The following BRF1 variants were observed in gnomAD, a reference collection of about 807,000 sequenced individuals.
The protein encoded by BRF1 is transcription factor IIIB 90 kDa subunit.
A neutral mutation model predicts 81.7 loss-of-function variants in BRF1; 59 were observed. The observed-to-expected ratio is 0.72, with a 90% CI of 0.59 to 0.90. The LOEUF (loss-of-function observed/expected upper bound fraction) is 0.90, where lower values mean the gene tolerates loss of function less well. Ranked by LOEUF, BRF1 falls within the 40% of genes least tolerant of loss-of-function variation. The pLI, the probability that BRF1 is intolerant of heterozygous loss-of-function variation, is 0.00. For synonymous variants in BRF1, 491 were observed against 395.6 expected (o/e 1.24, Z -2.86); for missense variants, 1,050 against 936.3 (o/e 1.12, Z -1.58).
At chr14:105,314,090 C>G (rs934256964) in intron 1 of BRF1, among the ~76,000 whole-genome samples, 1 of 152,258 alleles carries the variant, frequency 6.6e-6, no homozygotes, top group African/African-American at 2.4e-5. Context: ...GCTCGGCAGC[C>G]TGGCGCCCCG....
intron 5 of BRF1, among the ~76,000 whole-genome samples, chr14:105,243,283 T>C (rs1309756692): frequency 1.1e-5 from 1 of 95,160 alleles, no homozygotes; most frequent in African/African-American, 3.6e-5. Flanking sequence ...TTTACTAAAA[T>C]ACAAAAAAAA....
chr14:105,286,411 T>G (rs765252710), intron 1 of BRF1, 35 bp from the exon 2 acceptor site: 1 of 1,591,318 alleles, frequency 6.3e-7, no homozygotes, highest in South Asian at 1.1e-5. Flanking sequence ...CAGCCAAAAC[T>G]TGGAGATCTG....
rs148096278 is a variant in BRF1, at chr14:105,278,872, G to A, written c.266-5978C>T. Among the ~76,000 whole-genome samples, 500 of 152,170 alleles carry A rather than the reference G, an allele frequency of 3.3e-3. 9 individuals carry two copies. The highest frequency in any genetic ancestry group is 0.011 in the African/African-American group (472 of 41,504). ...ATCCTGACCAACATGGTGAAACCCC[G>A]TCTCTACTAAAAAGTACAAATATTA... is the stretch of plus-strand genomic sequence containing the variant. On this transcript the variant is annotated intron_variant, in intron 2 of 17. Transcript: ENST00000547530.
Position 105,221,652 on chromosome 14 carries a change from G to A in BRF1, c.1311C>T (p.Asp437=). Reference sequence around the variant, plus strand: ...CAGGGCCCCATCAGAACTCACTGGGGTCGCTGCTCTGAGAGGAGATGCATT... The same window carrying A: ...CAGGGCCCCATCAGAACTCACTGGGATCGCTGCTCTGAGAGGAGATGCATT... ...IRECISSQSS[D]PKDASGDGEL... is the part of the protein sequence containing the mutation. Residue 437 remains aspartate (D), a synonymous_variant, in exon 11 of 18, where the codon GAC becomes GAT. Transcript: ENST00000547530. 6.2e-7 allele frequency: 1 copy of A among 1,610,332 alleles called. No homozygotes were observed.
chr14:105,266,317 G>A (rs2056415607), intron 3 of BRF1, among the ~76,000 whole-genome samples: 1 of 152,162 alleles, frequency 6.6e-6, no homozygotes. Context: ...GGATGCTGAG[G>A]CGAGAGAGTC....
intron 10 of BRF1, 108 bp downstream of exon 10, chr14:105,225,961 G>T: frequency 1.7e-6 from 2 of 1,153,750 alleles, no homozygotes; most frequent in Non-Finnish European, 2.4e-6. Context: ...CTTACATTCT[G>T]TAGATAATCC....
intron 2 of BRF1, among the ~76,000 whole-genome samples, chr14:105,280,681 G>A (rs1444568717): frequency 2.6e-5 from 4 of 152,092 alleles, no homozygotes; most frequent in Non-Finnish European, 5.9e-5. Flanking sequence ...CCTGAGCCCG[G>A]CTGTGCGGTG....
intron 1 of BRF1, among the ~76,000 whole-genome samples, chr14:105,308,517 C>G (rs942742196): frequency 7.2e-6 from 1 of 139,794 alleles, no homozygotes; most frequent in African/African-American, 2.8e-5. Flanking sequence ...GAGTCTTGCT[C>G]TGTCGTCCGG....
chr14:105,211,445 G>A (rs1398864478), intron 16 of BRF1, 152 bp from the exon 17 acceptor site: 3 of 651,430 alleles, frequency 4.6e-6, no homozygotes, highest in African/African-American at 3.7e-5. Context: ...AGGCCCACTG[G>A]CCCCTTCTGG....
intron 10 of BRF1, among the ~76,000 whole-genome samples, chr14:105,224,325 T>G (rs115303812): frequency 6.6e-6 from 1 of 152,168 alleles, no homozygotes; most frequent in African/African-American, 2.4e-5. Context: ...GCTGAGATTA[T>G]GCAACTGCAC....
At chr14:105,288,637 CTTT>C (rs747428235) in intron 1 of BRF1, among the ~76,000 whole-genome samples, 1 of 137,016 alleles carries the variant, frequency 7.3e-6, no homozygotes, top group Non-Finnish European at 1.6e-5. Flanking sequence ...TTCTTTCTTT[CTTT>C]TTTTTTTTTT....
chr14:105,212,008 C>T (rs1473362252), intron 16 of BRF1, 105 bp downstream of exon 16: 2 of 1,507,880 alleles, frequency 1.3e-6, no homozygotes, highest in Non-Finnish European at 1.8e-6. Context: ...GCAGGCGCCT[C>T]TGTCAGGCCT....
In BRF1 at chr14:105,212,298, G is replaced by A. The variant is rs587596351; in HGVS notation, c.1773-134C>T. 3.7e-5 allele frequency: 45 copies of A among 1,214,064 alleles called. 1 individual carries two copies. The South Asian group carries it at 4.0e-4, about 11-fold the overall frequency. The allele number at this position is 1,214,064 out of a possible 1,614,324, so 75.2% of individuals were successfully genotyped here. On this transcript the variant is annotated intron_variant, in intron 15 of 17. Coordinates refer to ENST00000547530, the MANE Select transcript of BRF1 (RefSeq NM_001519.4). ...TGTCCCTTTGGAAGCCTGGTTCTGC[G>A]TCCAGGTTCTGTGTGCTCCATCAGT...
In BRF1 at chr14:105,261,809, A is replaced by G. The variant is rs867368595; in HGVS notation, c.440-5260T>C. 1.8e-3 allele frequency among the ~76,000 whole-genome samples: 271 copies of G among 152,184 alleles called. 1 individual carries two copies. The highest frequency in any genetic ancestry group is 6.2e-3 in the African/African-American group (256 of 41,520). On this transcript the variant is annotated intron_variant, in intron 3 of 17. Transcript: ENST00000547530. ...CATTCCCGGCCCCATGGGACTGGAGAGGGGGACTGCGGCGCCCACACGGCG... is the reference window on the plus strand; with the variant it reads ...CATTCCCGGCCCCATGGGACTGGAGGGGGGGACTGCGGCGCCCACACGGCG...
At chr14:105,260,567 G>A (rs951748960) in intron 3 of BRF1, among the ~76,000 whole-genome samples, 4 of 151,902 alleles carry the variant, frequency 2.6e-5, no homozygotes, top group African/African-American at 9.7e-5. Context: ...GTAGAGATGG[G>A]GTTTCACCAT....
intron 5 of BRF1, chr14:105,249,735 C>T: frequency 6.2e-7 from 1 of 1,613,956 alleles, no homozygotes; most frequent in Non-Finnish European, 8.5e-7. Context: ...TTGGCAAAAG[C>T]CTGTGTCAAC....
At chr14:105,250,618 C>T (rs1254267151) in intron 5 of BRF1, 2 of 1,613,882 alleles carry the variant, frequency 1.2e-6, no homozygotes, top group South Asian at 1.1e-5. Context: ...CGGACAGCAC[C>T]AACGGGACTG....
chr14:105,272,696 G>A, intron 3 of BRF1, 25 bp downstream of exon 3: 3 of 1,575,322 alleles, frequency 1.9e-6, no homozygotes, highest in Non-Finnish European at 2.6e-6. Flanking sequence ...GGGGCCCTCT[G>A]GGAGGCTCTC....
At position 105,297,684 on chromosome 14, in the gene BRF1, C is replaced by A. The variant is rs587762771; in HGVS notation, c.184+2762G>T. On this transcript the variant is annotated intron_variant, in intron 1 of 17. Transcript: ENST00000547530. ...TTGTACAGGTTGAACATCCCAAATC[C>A]AAAAATCTGAGATTATAAATGCTCC... 2.8e-4 allele frequency among the ~76,000 whole-genome samples: 43 copies of A among 152,202 alleles called. No homozygotes were observed. In the South Asian group the frequency reaches 6.0e-3, roughly 21 times the overall value.
Sources: gnomAD v4.1 joint callset for allele counts (sites outside exome capture counted in the v4.1 genomes callset) on GRCh38, gnomAD v4.1.1 for gene constraint, MANE v1.5 for transcripts, NCBI Gene and HGNC (gene_info 2026-07-23, HGNC 2026-07-21) for gene names.